DGKI: variants seen among roughly 807,000 people sequenced by gnomAD.
DGKI encodes DAG kinase iota.
Under a neutral mutation model 147.5 loss-of-function variants are expected in DGKI, and 55 were observed. The ratio of observed to expected loss-of-function variants is 0.37; its 90% CI spans 0.30 to 0.47. The LOEUF (loss-of-function observed/expected upper bound fraction) is 0.47. DGKI is among the 20% of genes least tolerant of loss of function. DGKI has a pLI of 1.00. For synonymous variants in DGKI, 469 were observed against 477.1 expected, an observed-to-expected ratio of 0.98 and a Z score of 0.22; for missense variants, 1,007 against 1,323.8, an observed-to-expected ratio of 0.76 and a Z score of 3.71.
chr7:137,672,991 A>G (rs1215071110), intron 3 of DGKI, among the ~76,000 whole-genome samples: 3 of 151,736 alleles, frequency 2.0e-5, no homozygotes, highest in South Asian at 4.2e-4. Flanking sequence ...CATGTTAGTC[A>G]GGCTGGTCTT....
intron 28 of DGKI, among the ~76,000 whole-genome samples, chr7:137,440,280 G>A (rs1813447516): frequency 6.6e-6 from 1 of 152,190 alleles, no homozygotes; most frequent in South Asian, 2.1e-4. Flanking sequence ...GTTTAGCATG[G>A]CAGGTTTCCC....
At chr7:137,724,533 G>A (rs1253988758) in intron 1 of DGKI, among the ~76,000 whole-genome samples, 1 of 152,164 alleles carries the variant, frequency 6.6e-6, no homozygotes, top group Non-Finnish European at 1.5e-5. Flanking sequence ...GGTATATCTT[G>A]AAAGCAGAGC....
chr7:137,514,313 T>C (rs1204620454), intron 21 of DGKI, among the ~76,000 whole-genome samples: 1 of 152,186 alleles, frequency 6.6e-6, no homozygotes, highest in Admixed American at 6.5e-5. Flanking sequence ...AAGATGTCAT[T>C]ATGCAGCTCA....
chr7:137,721,515 A>G (rs1273406068), intron 1 of DGKI, among the ~76,000 whole-genome samples: 1 of 152,170 alleles, frequency 6.6e-6, no homozygotes, highest in Non-Finnish European at 1.5e-5. Context: ...ACCCTAGACC[A>G]GGTCATCATT....
chr7:137,754,692 T>C (rs898335351), intron 1 of DGKI, among the ~76,000 whole-genome samples: 17 of 152,196 alleles, frequency 1.1e-4, no homozygotes, highest in African/African-American at 4.1e-4. Flanking sequence ...GTGTGCCTAC[T>C]ATAAATAGAT....
Position 137,846,690 on chromosome 7 carries a change from G to A in DGKI, c.173C>T (p.Ser58Leu), listed in dbSNP as rs1798748000. 1 of 1,065,366 alleles carries A rather than the reference G, an allele frequency of 9.4e-7. No individual in the cohort carries two copies. Among genetic ancestry groups the A allele is most frequent in the South Asian group, 3.1e-5 (1 of 32,296 alleles). The allele number at this position is 1,065,366 out of a possible 1,614,324, so 66.0% of individuals were successfully genotyped here. The change falls in exon 1 of 33, where the codon TCG becomes TTG. Residue 58 changes from serine to leucine, a missense_variant. Ser to Leu is a moderately radical substitution (Grantham distance 145). This residue lies in a region of DGKI where 137 missense variants were observed against 114.4 expected (regional missense o/e 1.20). Transcript: ENST00000614521. This position sits in a 1 kb window ranked among gnomAD's most constrained non-coding sequence, Gnocchi z 4.0. ...AGAGAMNPSS[S>L]AGEEKGATGG... is the part of the protein sequence containing the mutation. ...CGTCGCCCCTTTCTCCTCTCCCGCCGAGGAGCTGGGGTTCATGGCGCCCGC... is the reference window on the plus strand; with the variant it reads ...CGTCGCCCCTTTCTCCTCTCCCGCCAAGGAGCTGGGGTTCATGGCGCCCGC...
At position 137,469,531 on chromosome 7, in the gene DGKI, CA is replaced by C. The variant is rs1814798393; in HGVS notation, c.2443+18del. Reference sequence around the variant, plus strand: ...ACTTCCCCAACTCCCACGATACCCGCAAGAAAGGCAGAACTCACCATCTAGG... The same window carrying C: ...ACTTCCCCAACTCCCACGATACCCGCAGAAAGGCAGAACTCACCATCTAGG... On this transcript the variant is annotated intron_variant, in intron 24 of 32. Coordinates refer to ENST00000614521, the MANE Select transcript of DGKI (RefSeq NM_001321708.2). The C allele has an allele frequency of 4.3e-6, 7 of 1,613,402 alleles. No homozygotes were observed. Among genetic ancestry groups the C allele is most frequent in the Non-Finnish European group, 5.9e-6 (7 of 1,179,544 alleles).
At chr7:137,523,617 T>C (rs1284299324) in intron 20 of DGKI, among the ~76,000 whole-genome samples, 1 of 152,052 alleles carries the variant, frequency 6.6e-6, no homozygotes, top group Non-Finnish European at 1.5e-5. Context: ...CTGGGGGAAA[T>C]TTGAAAAGAC....
At chr7:137,444,238 T>G (rs911721341) in intron 27 of DGKI, 136 bp from the exon 28 acceptor site, 14 of 566,784 alleles carry the variant, frequency 2.5e-5, no homozygotes, top group Non-Finnish European at 3.3e-5. Context: ...ATTAATGTGT[T>G]GATTGCATGG....
At chr7:137,836,567 C>A (rs571953674) in intron 1 of DGKI, among the ~76,000 whole-genome samples, 1 of 152,294 alleles carries the variant, frequency 6.6e-6, no homozygotes, top group Admixed American at 6.5e-5. Flanking sequence ...GGTACCATCA[C>A]CTCCCTTCAA....
intron 12 of DGKI, among the ~76,000 whole-genome samples, chr7:137,591,644 C>G (rs182045716): frequency 5.9e-5 from 9 of 152,236 alleles, no homozygotes; most frequent in African/African-American, 1.9e-4. Context: ...CTCTAAGCTC[C>G]CCTCACATCT....
intron 19 of DGKI, among the ~76,000 whole-genome samples, chr7:137,560,875 T>C (rs1723100): frequency 0.051 from 7,811 of 152,258 alleles, 514 homozygotes; most frequent in African/African-American, 0.13. Flanking sequence ...CTGATCTCCA[T>C]GAATTTAAAA....
At chr7:137,514,664 A>C (rs1270031913) in intron 21 of DGKI, among the ~76,000 whole-genome samples, 1 of 152,150 alleles carries the variant, frequency 6.6e-6, no homozygotes, top group Non-Finnish European at 1.5e-5. Context: ...CATCAGAGGC[A>C]ACTGAATTTT....
At chr7:137,596,068 G>C (rs151202040) in intron 12 of DGKI, among the ~76,000 whole-genome samples, 2 of 146,766 alleles carry the variant, frequency 1.4e-5, no homozygotes, top group African/African-American at 5.0e-5. Flanking sequence ...AGAAAGGAGA[G>C]AGAATGAGGG....
intron 1 of DGKI, among the ~76,000 whole-genome samples, chr7:137,749,915 G>T (rs1324653861): frequency 6.6e-6 from 1 of 152,178 alleles, no homozygotes; most frequent in Non-Finnish European, 1.5e-5. Flanking sequence ...GCCTATGGGT[G>T]GGATCCAGGA....
intron 2 of DGKI, among the ~76,000 whole-genome samples, chr7:137,680,811 C>T (rs1199257392): frequency 6.6e-6 from 1 of 152,098 alleles, no homozygotes; most frequent in African/African-American, 2.4e-5. Flanking sequence ...AAGGAATATA[C>T]ACTAAATGAC....
intron 6 of DGKI, among the ~76,000 whole-genome samples, chr7:137,641,832 C>CT (rs1475997660): frequency 6.6e-6 from 1 of 152,158 alleles, no homozygotes; most frequent in Non-Finnish European, 1.5e-5. Context: ...AAAAGATAAG[C>CT]TTTTAAGTTG....
chr7:137,451,113 A>C (rs1208398382), intron 27 of DGKI, among the ~76,000 whole-genome samples: 1 of 152,166 alleles, frequency 6.6e-6, no homozygotes, highest in African/African-American at 2.4e-5. Flanking sequence ...CAAACTTCGA[A>C]AACAAACAAA....
chr7:137,648,623 G>C (rs994458034), intron 5 of DGKI, among the ~76,000 whole-genome samples: 10 of 152,188 alleles, frequency 6.6e-5, no homozygotes, highest in African/African-American at 2.4e-4. Context: ...TCCCAGGACA[G>C]AGCAGGATGG....
Sources: gnomAD v4.1 joint callset for allele counts (sites outside exome capture counted in the v4.1 genomes callset) on GRCh38, gnomAD v4.1.1 for gene constraint, gnomAD v4.1.1 regional missense constraint, Gnocchi (gnomAD v3.1) non-coding constraint, MANE v1.5 for transcripts, NCBI Gene and HGNC (gene_info 2026-07-23, HGNC 2026-07-21) for gene names.